The following SGCZ variants were observed in gnomAD, a reference collection of about 807,000 sequenced individuals.
SGCZ encodes the protein zeta-sarcoglycan.
SGCZ carries 40 observed loss-of-function variants against 41.3 expected under a neutral mutation model. The ratio of observed to expected loss-of-function variants is 0.97; its 90% confidence interval spans 0.75 to 1.26. SGCZ has a LOEUF of 1.26. Ranked by LOEUF, SGCZ falls within the 50% of genes most tolerant of loss-of-function variation. SGCZ has a pLI of 0.00. For synonymous variants in SGCZ, 206 were observed against 137.5 expected (o/e 1.50, Z -3.49); for missense variants, 552 against 369.8 (o/e 1.49, Z -4.04).
intron 2 of SGCZ, among the ~76,000 whole-genome samples, chr8:14,418,904 T>C (rs1799566907): frequency 6.6e-6 from 1 of 151,936 alleles, no homozygotes. Flanking sequence ...AAAAACATAA[T>C]TGGATGTCCC....
intron 3 of SGCZ, among the ~76,000 whole-genome samples, chr8:14,283,910 A>C (rs2116925316): frequency 6.6e-6 from 1 of 152,272 alleles, no homozygotes; most frequent in Admixed American, 6.5e-5. Context: ...ACTTTTGTAG[A>C]ATTTGTTCTT....
chr8:14,806,955 A>C (rs1004511891), intron 1 of SGCZ, among the ~76,000 whole-genome samples: 1 of 151,900 alleles, frequency 6.6e-6, no homozygotes, highest in African/African-American at 2.4e-5. Context: ...GTAATCCAGC[A>C]TATAAACAGA....
chr8:14,803,241 G>C (rs1257020194), intron 1 of SGCZ, among the ~76,000 whole-genome samples: 4 of 152,106 alleles, frequency 2.6e-5, no homozygotes, highest in Non-Finnish European at 5.9e-5. Flanking sequence ...TGGCCGAATA[G>C]GAACAGCTCC....
chr8:15,160,593 C>T (rs1025207468), intron 1 of SGCZ, among the ~76,000 whole-genome samples: 1 of 152,074 alleles, frequency 6.6e-6, no homozygotes, highest in Non-Finnish European at 1.5e-5. Context: ...TTTTCGGTTA[C>T]CTATAGCCCT....
intron 1 of SGCZ, among the ~76,000 whole-genome samples, chr8:14,571,353 C>G (rs1387328786): frequency 6.6e-6 from 1 of 152,142 alleles, no homozygotes; most frequent in East Asian, 1.9e-4. Flanking sequence ...TCAACAATTG[C>G]AAATGTATTT....
intron 2 of SGCZ, among the ~76,000 whole-genome samples, chr8:14,389,695 G>C (rs772848941): frequency 6.6e-6 from 1 of 151,928 alleles, no homozygotes; most frequent in Non-Finnish European, 1.5e-5. Context: ...TGCCCAAGAA[G>C]TGTTAAGCGG....
chr8:14,950,421 T>C (rs1800595814), intron 1 of SGCZ, among the ~76,000 whole-genome samples: 2 of 152,038 alleles, frequency 1.3e-5, no homozygotes, highest in South Asian at 4.2e-4. Context: ...CTCTCTCCTC[T>C]TTCTCCCTTC....
chr8:15,083,809 G>A (rs1295870365), intron 1 of SGCZ, among the ~76,000 whole-genome samples: 1 of 152,044 alleles, frequency 6.6e-6, no homozygotes, highest in African/African-American at 2.4e-5. Context: ...CCCCAGGCTG[G>A]TCTCTAGCTC....
chr8:14,540,220 ATTT>A (rs11428713), intron 2 of SGCZ, among the ~76,000 whole-genome samples: 1,975 of 48,636 alleles, frequency 0.041, 36 homozygotes, highest in East Asian at 0.092. Context: ...TCTCTGCTTA[ATTT>A]TTTTTTTTTT....
intron 1 of SGCZ, among the ~76,000 whole-genome samples, chr8:15,129,101 T>A (rs1384541547): frequency 3.3e-5 from 5 of 152,234 alleles, no homozygotes; most frequent in African/African-American, 4.8e-5. Flanking sequence ...GTAATAATCC[T>A]TTCAAATAAA....
intron 3 of SGCZ, among the ~76,000 whole-genome samples, chr8:14,304,047 C>A (rs551393816): frequency 6.6e-6 from 1 of 151,962 alleles, no homozygotes; most frequent in South Asian, 2.1e-4. Flanking sequence ...CCACTGCACC[C>A]GGCCAGTTTG....
intron 1 of SGCZ, among the ~76,000 whole-genome samples, chr8:15,199,148 T>C (rs562315197): frequency 6.6e-6 from 1 of 152,232 alleles, no homozygotes; most frequent in Non-Finnish European, 1.5e-5. Context: ...TTCTAAAAGT[T>C]TGACAGAACT....
At chr8:14,520,986 A>T (rs1188797666) in intron 2 of SGCZ, among the ~76,000 whole-genome samples, 1 of 152,164 alleles carries the variant, frequency 6.6e-6, no homozygotes. Flanking sequence ...AATTGCTTTA[A>T]TTACAATTTT....
chr8:15,105,756 G>A (rs1030030144), intron 1 of SGCZ, among the ~76,000 whole-genome samples: 1 of 152,036 alleles, frequency 6.6e-6, no homozygotes, highest in African/African-American at 2.4e-5. Context: ...ATGATGCATG[G>A]GAAGGCATAA....
At chr8:14,554,049 C>A (rs1196537076) in intron 2 of SGCZ, among the ~76,000 whole-genome samples, 1 of 152,066 alleles carries the variant, frequency 6.6e-6, no homozygotes, top group African/African-American at 2.4e-5. Flanking sequence ...CCAGATAAGT[C>A]ATGCTCATAG....
rs866616315 is a variant in SGCZ at position 14,447,334 on chromosome 8, C to T, written c.234+107398G>A. On this transcript the variant is annotated intron_variant, in intron 2 of 7. Coordinates refer to ENST00000382080, the MANE Select transcript of SGCZ (RefSeq NM_139167.4). Reference sequence around the variant, plus strand: ...ATGTTTTTTTATTTAATTATGAAATCAAAAAAATACAAATCTTGAGCCATT... The same window carrying T: ...ATGTTTTTTTATTTAATTATGAAATTAAAAAAATACAAATCTTGAGCCATT... Among the ~76,000 whole-genome samples the T allele has an allele frequency of 4.6e-5, 7 of 151,900 alleles. 1 individual carries two copies. In the Middle Eastern group the frequency reaches 0.017, roughly 369 times the overall value.
intron 1 of SGCZ, among the ~76,000 whole-genome samples, chr8:14,904,332 A>C (rs895705101): frequency 6.6e-6 from 1 of 152,054 alleles, no homozygotes; most frequent in African/African-American, 2.4e-5. Flanking sequence ...TTTTGGTATA[A>C]ATATCAATGT....
chr8:14,674,648 G>A (rs556053547), intron 1 of SGCZ, among the ~76,000 whole-genome samples: 4 of 152,216 alleles, frequency 2.6e-5, no homozygotes, highest in Admixed American at 6.5e-5. Context: ...CGTGGGACCT[G>A]GTGGGAGGTG....
chr8:14,306,130 G>C (rs536699040), intron 3 of SGCZ, among the ~76,000 whole-genome samples: 2 of 152,042 alleles, frequency 1.3e-5, no homozygotes, highest in Non-Finnish European at 2.9e-5. Flanking sequence ...TTGTTTTTCA[G>C]CAAAAGCTAA....
Sources: allele counts gnomAD v4.1 joint callset (sites outside exome capture counted in the v4.1 genomes callset), GRCh38; gene constraint gnomAD v4.1.1; transcripts MANE v1.5; gene names NCBI Gene and HGNC (gene_info 2026-07-23, HGNC 2026-07-21).